BBS9: variants seen among roughly 807,000 people sequenced by gnomAD.
BBS9 encodes Bardet-Biedl syndrome 9, also known as protein PTHB1.
A neutral mutation model predicts 117.7 loss-of-function variants in BBS9; 89 were observed. That is an observed-to-expected ratio of 0.76 (90% CI 0.64 to 0.90). The LOEUF (loss-of-function observed/expected upper bound fraction) is 0.90, where lower values mean the gene tolerates loss of function less well. Among genes scored for constraint, BBS9 ranks in the 40% least tolerant of loss-of-function variants. The pLI, the probability that BBS9 is intolerant of heterozygous loss-of-function variation, is 0.00. For missense variants in BBS9, 982 were observed against 1,042.2 expected (o/e 0.94, Z 0.80); for synonymous variants, 379 against 370.9 (o/e 1.02, Z -0.25).
At chr7:33,186,989 A>G (rs1034935520) in intron 5 of BBS9, among the ~76,000 whole-genome samples, 1 of 152,172 alleles carries the variant, frequency 6.6e-6, no homozygotes, top group Non-Finnish European at 1.5e-5. Context: ...TTGTTTTGGT[A>G]ATTTGAACTC....
chr7:33,355,390 A>G (rs1296371749), intron 15 of BBS9, among the ~76,000 whole-genome samples: 1 of 151,872 alleles, frequency 6.6e-6, no homozygotes, highest in African/African-American at 2.4e-5. Flanking sequence ...TTTTAATTTG[A>G]TAGTGTTATA....
intron 11 of BBS9, among the ~76,000 whole-genome samples, chr7:33,343,426 C>G (rs1372761578): frequency 6.6e-6 from 1 of 152,028 alleles, no homozygotes; most frequent in Non-Finnish European, 1.5e-5. Context: ...TCAAAGAATG[C>G]CTATTGAATT....
chr7:33,611,651 T>A (rs1585474748), intron 21 of BBS9, among the ~76,000 whole-genome samples: 1 of 104,312 alleles, frequency 9.6e-6, no homozygotes, highest in Non-Finnish European at 1.7e-5. Context: ...TAAGGTATAT[T>A]ATATATTAAA....
chr7:33,451,521 T>G lies in BBS9; in HGVS notation c.2116-53942T>G, dbSNP rs377032375. ...ATTTGACCATATATTTGAGGTTTAT[T>G]TCTGGGCTCTCTGTTCTGTCCCATT... On this transcript the variant is annotated intron_variant, in intron 19 of 22. Transcript: ENST00000242067. Among the ~76,000 whole-genome samples, 42 of 152,316 alleles carry G rather than the reference T, an allele frequency of 2.8e-4. 1 individual carries two copies. In the South Asian group the frequency reaches 7.0e-3, roughly 26 times the overall value.
At chr7:33,217,111 T>C (rs774726579) in intron 5 of BBS9, among the ~76,000 whole-genome samples, 4 of 151,990 alleles carry the variant, frequency 2.6e-5, no homozygotes, top group African/African-American at 4.8e-5. Context: ...CAAAAAAAAT[T>C]AACCAACTAA....
chr7:33,329,183 G>A (rs1293703372), intron 9 of BBS9, among the ~76,000 whole-genome samples: 4 of 151,954 alleles, frequency 2.6e-5, no homozygotes, highest in Non-Finnish European at 5.9e-5. Flanking sequence ...ACCACTCCCA[G>A]CAAATTTTTG....
rs200304985 is a variant in BBS9, at chr7:33,467,480, A to AT, written c.2116-37977dup. On this transcript the variant is annotated intron_variant, in intron 19 of 22. Coordinates refer to ENST00000242067, the MANE Select transcript of BBS9 (RefSeq NM_198428.3). ...AATAAGTCTGTTAGTTCATTTGTATATTTTTTGCACTTTGACCTAATTGGC... is the reference window on the plus strand; with the variant it reads ...AATAAGTCTGTTAGTTCATTTGTATATTTTTTTGCACTTTGACCTAATTGGC... Among the ~76,000 whole-genome samples the AT allele has an allele frequency of 8.7e-3, 1,322 of 151,288 alleles. 10 individuals are homozygous for AT. Among genetic ancestry groups the AT allele is most frequent in the Middle Eastern group, 0.027 (8 of 294 alleles).
chr7:33,268,897 T>G (rs921092635), intron 7 of BBS9, among the ~76,000 whole-genome samples: 5 of 152,224 alleles, frequency 3.3e-5, no homozygotes, highest in African/African-American at 1.2e-4. Context: ...AATGCTAGCC[T>G]GTTACAATAT....
chr7:33,285,954 T>C (rs1455068536), intron 9 of BBS9, among the ~76,000 whole-genome samples: 1 of 152,018 alleles, frequency 6.6e-6, no homozygotes, highest in African/African-American at 2.4e-5. Flanking sequence ...TCCATTCTTA[T>C]AAACAATATC....
rs141614271 is a variant in BBS9 at position 33,541,508 on chromosome 7, C to T, written c.2521+7332C>T. Among the ~76,000 whole-genome samples, 795 of 152,290 alleles carry T rather than the reference C, an allele frequency of 5.2e-3. 31 individuals carry two copies. The South Asian group carries it at 0.097, about 19-fold the overall frequency. ...TTCAGTGCTACCATAAAAAATATGACTATTTGTAGCAGTATTATAGCCAAA... is the reference window on the plus strand; with the variant it reads ...TTCAGTGCTACCATAAAAAATATGATTATTTGTAGCAGTATTATAGCCAAA... On this transcript the variant is annotated intron_variant, in intron 21 of 22. Transcript: ENST00000242067.
At chr7:33,567,141 A>AT (rs1265417659) in intron 21 of BBS9, among the ~76,000 whole-genome samples, 1 of 152,198 alleles carries the variant, frequency 6.6e-6, no homozygotes, top group Non-Finnish European at 1.5e-5. Flanking sequence ...ACTGTTCTCT[A>AT]TTAAATTTTT....
chr7:33,323,243 C>T (rs1040887854), intron 9 of BBS9, among the ~76,000 whole-genome samples: 6 of 151,906 alleles, frequency 3.9e-5, no homozygotes, highest in African/African-American at 1.2e-4. Flanking sequence ...ATATCTGTTA[C>T]TTCTATTTGG....
chr7:33,453,340 T>C (rs1838171878), intron 19 of BBS9, among the ~76,000 whole-genome samples: 1 of 152,120 alleles, frequency 6.6e-6, no homozygotes, highest in South Asian at 2.1e-4. Flanking sequence ...TTGAACCACA[T>C]GGGCTTGAAC....
chr7:33,220,126 C>T (rs954091961), intron 5 of BBS9, among the ~76,000 whole-genome samples: 4 of 152,206 alleles, frequency 2.6e-5, no homozygotes, highest in Admixed American at 2.6e-4. Flanking sequence ...GACACAGTTT[C>T]ACCCATTTCA....
At chr7:33,466,133 TCA>T (rs1293536787) in intron 19 of BBS9, among the ~76,000 whole-genome samples, 1 of 152,124 alleles carries the variant, frequency 6.6e-6, no homozygotes, top group Non-Finnish European at 1.5e-5. Context: ...ATGCATCAAC[TCA>T]CAGTTAGATT....
chr7:33,248,089 G>T (rs2128295643), intron 5 of BBS9, among the ~76,000 whole-genome samples: 1 of 152,280 alleles, frequency 6.6e-6, no homozygotes, highest in South Asian at 2.1e-4. Flanking sequence ...GTTCATAGGA[G>T]AAGTTAATAT....
chr7:33,383,975 G>A (rs535938480), intron 18 of BBS9, 137 bp downstream of exon 18: 18 of 916,624 alleles, frequency 2.0e-5, no homozygotes, highest in Middle Eastern at 3.4e-4. Flanking sequence ...GGTGGATTTC[G>A]TGAATCCATT....
chr7:33,323,106 G>C (rs1331310978), intron 9 of BBS9, among the ~76,000 whole-genome samples: 5 of 152,024 alleles, frequency 3.3e-5, no homozygotes, highest in Admixed American at 3.3e-4. Flanking sequence ...TATTCTTGAT[G>C]TTGTTTCAGT....
chr7:33,467,426 T>G (rs547127040), intron 19 of BBS9, among the ~76,000 whole-genome samples: 1 of 152,168 alleles, frequency 6.6e-6, no homozygotes, highest in Non-Finnish European at 1.5e-5. Flanking sequence ...CTTTAATTCA[T>G]TTGTGATTTC....
Sources: gnomAD v4.1 joint callset for allele counts (sites outside exome capture counted in the v4.1 genomes callset) on GRCh38, gnomAD v4.1.1 for gene constraint, MANE v1.5 for transcripts, NCBI Gene and HGNC (gene_info 2026-07-23, HGNC 2026-07-21) for gene names.